OPA1: variants seen among roughly 807,000 people sequenced by gnomAD.
OPA1 encodes dynamin-like GTPase OPA1, mitochondrial.
OPA1 carries 59 observed loss-of-function variants against 152.9 expected under a neutral mutation model. The observed-to-expected ratio is 0.39, with a 90% CI of 0.31 to 0.48. The LOEUF (loss-of-function observed/expected upper bound fraction) is 0.48. Among genes scored for constraint, OPA1 ranks in the 20% least tolerant of loss-of-function variants. The pLI, the probability that OPA1 is intolerant of heterozygous loss-of-function variation, is 0.96. For synonymous variants in OPA1, 400 were observed against 389.9 expected (o/e 1.03, Z -0.31); for missense variants, 1,008 against 1,216.8 (o/e 0.83, Z 2.55).
intron 16 of OPA1, among the ~76,000 whole-genome samples, chr3:193,644,332 A>G (rs1488996229): frequency 2.0e-5 from 3 of 152,178 alleles, no homozygotes; most frequent in Non-Finnish European, 2.9e-5. Context: ...AGTAGACTCT[A>G]CTGGGCACAT....
intron 1 of OPA1, among the ~76,000 whole-genome samples, chr3:193,605,881 G>A (rs1727177144): frequency 6.6e-6 from 1 of 152,112 alleles, no homozygotes; most frequent in South Asian, 2.1e-4. Context: ...TTACTCTAAG[G>A]GATTTGTTGG....
chr3:193,643,239 A>G lies in OPA1; in HGVS notation c.1306-134A>G, dbSNP rs934821852. ...AATAATTACTTTTAGGATCAGAGAA[A>G]GAATACCATTTTTGTGAGCGTCTTA... is the stretch of plus-strand genomic sequence containing the variant. On this transcript the variant is annotated intron_variant, in intron 13 of 30. Transcript: ENST00000361510. 7 of 864,928 alleles carry G rather than the reference A, an allele frequency of 8.1e-6. No homozygotes were observed. The African/African-American group carries it at 1.2e-4, about 15-fold the overall frequency. The allele number at this position is 864,928 out of a possible 1,614,324, so 53.6% of individuals were successfully genotyped here.
chr3:193,637,313 T>C lies in OPA1; in HGVS notation c.1035+32T>C, dbSNP rs10451941. On this transcript the variant is annotated intron_variant, in intron 10 of 30. Coordinates refer to ENST00000361510, the MANE Select transcript of OPA1 (RefSeq NM_130837.3). ...GAAAAATTGATAGTGAACTTGCCAA[T>C]TAGCAAAAAAAGAAGCAGCTTAGCT... 604,573 of 1,412,594 alleles carry C rather than the reference T, an allele frequency of 0.43. 131,541 individuals are homozygous for C. Among genetic ancestry groups the C allele is most frequent in the Non-Finnish European group, 0.43 (433,989 of 999,470 alleles). 87.5% of individuals were successfully genotyped at this position (1,412,594 alleles called of 1,614,324 possible).
intron 1 of OPA1, among the ~76,000 whole-genome samples, chr3:193,596,421 T>TTCTTTTCTTTTC (rs1725604739): frequency 6.7e-6 from 1 of 149,838 alleles, no homozygotes; most frequent in African/African-American, 2.5e-5. Flanking sequence ...TTTTCTTTTC[T>TTCTTTTCTTTTC]TTCACACAGG....
At chr3:193,682,478 A>G (rs764446423) in intron 29 of OPA1, among the ~76,000 whole-genome samples, 1 of 152,216 alleles carries the variant, frequency 6.6e-6, no homozygotes, top group Non-Finnish European at 1.5e-5. Context: ...CTATTGGAAG[A>G]CGATGCCATC....
At chr3:193,668,514 C>A in intron 29 of OPA1, 1 of 1,549,778 alleles carries the variant, frequency 6.5e-7, no homozygotes, top group Non-Finnish European at 8.7e-7. Flanking sequence ...TTCCCACCCG[C>A]TAGCCTCTGC....
chr3:193,622,226 C>CTTTTTTTTTT (rs758993120), intron 6 of OPA1, among the ~76,000 whole-genome samples: 53 of 107,900 alleles, frequency 4.9e-4, no homozygotes, highest in African/African-American at 6.5e-4. Context: ...TACTCTCATT[C>CTTTTTTTTTT]TTTTTTTTTT....
chr3:193,676,134 T>C (rs1430608832), intron 29 of OPA1, among the ~76,000 whole-genome samples: 2 of 152,222 alleles, frequency 1.3e-5, no homozygotes, highest in Non-Finnish European at 2.9e-5. Context: ...TTAATAACTT[T>C]TTATGTTTAT....
rs774199510 is a variant in OPA1 at position 193,645,576 on chromosome 3, G to A, written c.1632G>A (p.Lys544=). 7 of 1,612,926 alleles carry A rather than the reference G, an allele frequency of 4.3e-6. No homozygotes were observed. In the South Asian group the frequency reaches 7.7e-5, roughly 18 times the overall value. ...PSRIQQIIEG[K]LFPMKALGYF... ...AGATTCAGCAGATAATTGAAGGAAA[G>A]CTCTTCCCAATGAAAGCTTTAGGTT... Residue 544 remains lysine (K), a synonymous_variant, in exon 17 of 31, where the codon AAG becomes AAA. Transcript: ENST00000361510.
intron 24 of OPA1, among the ~76,000 whole-genome samples, 183 bp from the exon 25 acceptor site, chr3:193,659,299 A>C (rs1300643438): frequency 6.6e-6 from 1 of 152,166 alleles, no homozygotes; most frequent in Non-Finnish European, 1.5e-5. Flanking sequence ...AGGTATCTTA[A>C]ACACATATAT....
At position 193,593,257 on chromosome 3, in the gene OPA1, C is replaced by G. The variant is rs1415935265; in HGVS notation, c.-121C>G. On this transcript the variant is annotated 5_prime_UTR_variant, in exon 1 of 31. Coordinates refer to ENST00000361510, the MANE Select transcript of OPA1 (RefSeq NM_130837.3). ...CATTGGGAGGGCCTCGGCCGCGGCT[C>G]TGTGCCCTTGCTGCTGAGGGCCACT... 1.0e-6 allele frequency: 1 copy of G among 1,001,782 alleles called. No individual in the cohort carries two copies. Among genetic ancestry groups the G allele is most frequent in the Non-Finnish European group, 1.4e-6 (1 of 706,604 alleles). The allele number at this position is 1,001,782 out of a possible 1,614,324, so 62.1% of individuals were successfully genotyped here.
chr3:193,667,046 A>G lies in OPA1; in HGVS notation c.2873-124A>G. The G allele has an allele frequency of 7.7e-6, 5 of 648,646 alleles. No homozygotes were observed. The East Asian group carries it at 8.4e-5, about 11-fold the overall frequency. The allele number at this position is 648,646 out of a possible 1,614,324, so 40.2% of individuals were successfully genotyped here. ...ATAACAGAGATTTTCTATGACTATG[A>G]AAAGTATTAGCAATAGTTCTAACAT... On this transcript the variant is annotated intron_variant, in intron 28 of 30. Coordinates refer to ENST00000361510, the MANE Select transcript of OPA1 (RefSeq NM_130837.3).
In OPA1 at chr3:193,654,845, AT is replaced by A. The variant is rs754873203; in HGVS notation, c.2013-16del. ...ATTATATTTAGATTTGGTGCTTTTG[AT>A]ACTTTTTTATTTCAGGGAGGAAATC... On this transcript the variant is annotated splice_polypyrimidine_tract_variant and intron_variant, in intron 21 of 30. Coordinates refer to ENST00000361510, the MANE Select transcript of OPA1 (RefSeq NM_130837.3). 6.2e-7 allele frequency: 1 copy of A among 1,612,436 alleles called. No homozygotes were observed. Among genetic ancestry groups the A allele is most frequent in the South Asian group, 1.1e-5 (1 of 90,932 alleles).
At chr3:193,685,472 A>C (rs1021318313) in intron 29 of OPA1, among the ~76,000 whole-genome samples, 1 of 152,172 alleles carries the variant, frequency 6.6e-6, no homozygotes, top group Non-Finnish European at 1.5e-5. Context: ...TTTAATGATT[A>C]AGTATTGTTT....
At chr3:193,653,794 G>A (rs1479910823) in intron 21 of OPA1, among the ~76,000 whole-genome samples, 2 of 152,148 alleles carry the variant, frequency 1.3e-5, no homozygotes, top group Non-Finnish European at 2.9e-5. Flanking sequence ...GCAGATAAGT[G>A]TGCATGAAAA....
At chr3:193,637,596 G>A (rs1408111135) in intron 10 of OPA1, among the ~76,000 whole-genome samples, 3 of 152,006 alleles carry the variant, frequency 2.0e-5, no homozygotes, top group Non-Finnish European at 4.4e-5. Flanking sequence ...GATTAAATTA[G>A]CCATATGCGT....
intron 1 of OPA1, among the ~76,000 whole-genome samples, chr3:193,597,706 A>AG (rs1560303599): frequency 2.0e-5 from 3 of 151,668 alleles, no homozygotes; most frequent in African/African-American, 7.3e-5. Context: ...AAAAAAAAAA[A>AG]AAAGAAATGG....
rs755498511 is a variant in OPA1 at position 193,679,233 on chromosome 3, CTTTTGTTTTTGT to C, written c.2983+11964_2983+11975del. 2.8e-5 allele frequency among the ~76,000 whole-genome samples: 4 copies of C among 145,128 alleles called. No individual in the cohort carries two copies. The South Asian group carries it at 6.8e-4, about 25-fold the overall frequency. On this transcript the variant is annotated intron_variant, in intron 29 of 30. Transcript: ENST00000361510. Reference sequence around the variant, plus strand: ...CTGCACATTCTGCACATAGAGCCCGCTTTTGTTTTTGTTTTTGTTTTTAAGAAGAAATAACGG... The same window carrying C: ...CTGCACATTCTGCACATAGAGCCCGCTTTTGTTTTTAAGAAGAAATAACGG...
At chr3:193,609,056 G>T (rs531060896) in intron 1 of OPA1, among the ~76,000 whole-genome samples, 1 of 152,058 alleles carries the variant, frequency 6.6e-6, no homozygotes, top group Non-Finnish European at 1.5e-5. Flanking sequence ...CATTTGCTTG[G>T]TAGATCTTCC....
Sources: gnomAD v4.1 joint callset for allele counts (sites outside exome capture counted in the v4.1 genomes callset) on GRCh38, gnomAD v4.1.1 for gene constraint, MANE v1.5 for transcripts, NCBI Gene and HGNC (gene_info 2026-07-23, HGNC 2026-07-21) for gene names.